DDO: variants seen among roughly 807,000 people sequenced by gnomAD.
DDO encodes the protein D-aspartate oxidase, DDO.
In DDO, 16 loss-of-function variants were observed where a neutral mutation model predicts 16.8. The observed-to-expected ratio is 0.95, with a 90% confidence interval of 0.65 to 1.45. The LOEUF is 1.45. Ranked by LOEUF, DDO falls within the 40% of genes most tolerant of loss-of-function variation. The probability of loss-of-function intolerance (pLI) is 0.00; values close to 1 mark genes in which losing one functional copy is unlikely to be tolerated. For synonymous variants in DDO, 180 were observed against 167.2 expected, an observed-to-expected ratio of 1.08 and a Z score of -0.59; for missense variants, 429 against 420.3, an observed-to-expected ratio of 1.02 and a Z score of -0.18.
At chr6:110,400,019 G>C (rs960681835) in intron 4 of DDO, among the ~76,000 whole-genome samples, 7 of 152,186 alleles carry the variant, frequency 4.6e-5, no homozygotes, top group African/African-American at 1.7e-4. Flanking sequence ...GCCGGTCTCC[G>C]GCCGATGGCG....
chr6:110,414,967 G>T (rs1427145941), intron 1 of DDO, among the ~76,000 whole-genome samples: 1 of 152,248 alleles, frequency 6.6e-6, no homozygotes, highest in Non-Finnish European at 1.5e-5. Context: ...CAGTTCTGAA[G>T]ATTCTCGCAC....
chr6:110,408,701 A>C (rs1332153189), intron 2 of DDO, among the ~76,000 whole-genome samples: 8 of 152,262 alleles, frequency 5.3e-5, no homozygotes, highest in African/African-American at 1.9e-4. Flanking sequence ...CAATAAGGGC[A>C]AAACCCGGCA....
intron 4 of DDO, among the ~76,000 whole-genome samples, chr6:110,397,697 G>A (rs1253257345): frequency 6.6e-6 from 1 of 152,200 alleles, no homozygotes; most frequent in East Asian, 1.9e-4. Context: ...AGTCCAACTT[G>A]TGCCTGGTGA....
At chr6:110,405,988 C>T (rs912006625) in intron 3 of DDO, among the ~76,000 whole-genome samples, 2 of 152,154 alleles carry the variant, frequency 1.3e-5, no homozygotes, top group African/African-American at 4.8e-5. Context: ...ATTCCCCCAT[C>T]GGAATATGTA....
In DDO at chr6:110,392,994, G is replaced by A. The variant is rs768638845; in HGVS notation, c.807C>T (p.Cys269=). The A allele has an allele frequency of 6.2e-7, 1 of 1,611,608 alleles. No homozygotes were observed. The highest frequency in any genetic ancestry group is 2.2e-5 in the East Asian group (1 of 44,790). Residue 269 remains cysteine, a synonymous_variant, in exon 5 of 5, where the codon TGC becomes TGT. Transcript: ENST00000368924. ...CALEPSLHGA[C]NIREKVGLRP... is the part of the protein sequence containing the mutation. ...TCAAGCCCACCTTCTCCCTGATGTTGCAGGCTCCGTGGAGGGAGGGCTCCA... is the reference window on the plus strand; with the variant it reads ...TCAAGCCCACCTTCTCCCTGATGTTACAGGCTCCGTGGAGGGAGGGCTCCA...
chr6:110,392,818 C>G lies in DDO; in HGVS notation c.983G>C (p.Cys328Ser). 7 of 1,605,220 alleles carry G rather than the reference C, an allele frequency of 4.4e-6. No individual in the cohort carries two copies. The highest frequency in any genetic ancestry group is 6.0e-6 in the Non-Finnish European group (7 of 1,175,066). Residue 328 changes from cysteine to serine, a missense_variant, in exon 5 of 5, where the codon TGT becomes TCT. Transcript: ENST00000368924. ...ALEAARLVSE[C>S]VHALRTPIPK... ...AATGGGGGTCCTGAGGGCATGGACA[C>G]ACTCGCTCACCAGCCTGGCGGCCTC...
chr6:110,391,491 A>G (rs1773099941), downstream of DDO, among the ~76,000 whole-genome samples: 1 of 151,812 alleles, frequency 6.6e-6, no homozygotes, highest in Non-Finnish European at 1.5e-5. Flanking sequence ...ACCCACCATC[A>G]TGCCCAGCTA....
chr6:110,403,894 G>A (rs775698487), intron 4 of DDO, among the ~76,000 whole-genome samples: 4 of 152,114 alleles, frequency 2.6e-5, no homozygotes, highest in Admixed American at 6.6e-5. Flanking sequence ...ATATATATAA[G>A]CGTTCAACAA....
downstream of DDO, among the ~76,000 whole-genome samples, chr6:110,388,554 ACTGTGTCCAC>A (rs139080854): frequency 0.045 from 6,898 of 152,174 alleles, 467 homozygotes; most frequent in African/African-American, 0.16. Context: ...CTTCTATACA[ACTGTGTCCAC>A]CTGGGCTATG....
chr6:110,409,414 G>A (rs1773774087), intron 2 of DDO, among the ~76,000 whole-genome samples: 2 of 152,316 alleles, frequency 1.3e-5, no homozygotes, highest in Non-Finnish European at 1.5e-5. Context: ...AAGCCACAGA[G>A]GAGATGAGGG....
chr6:110,415,575 T>C lies in DDO; in HGVS notation c.-113A>G. ...CTGAGAGACAGAGAGAAAGCGAAAC[T>C]GATTCCCATTGGTGACTTGATTCAG... is the stretch of plus-strand genomic sequence containing the variant. On this transcript the variant is annotated 5_prime_UTR_variant, in exon 1 of 5. Transcript: ENST00000368924. 6.2e-7 allele frequency: 1 copy of C among 1,612,556 alleles called. No individual in the cohort carries two copies. The highest frequency in any genetic ancestry group is 8.5e-7 in the Non-Finnish European group (1 of 1,179,500).
At position 110,404,734 on chromosome 6, in the gene DDO, T is replaced by C. The variant is rs200070433; in HGVS notation, c.458+40A>G. 218 of 1,604,296 alleles carry C rather than the reference T, an allele frequency of 1.4e-4. No homozygotes were observed. The African/African-American group carries it at 2.7e-3, about 20-fold the overall frequency. On this transcript the variant is annotated intron_variant, in intron 4 of 4. Coordinates refer to ENST00000368924, the MANE Select transcript of DDO (RefSeq NM_001372108.2). The stretch of plus-strand genomic sequence containing the variant: ...GAATAGCTACGAAGTGATTTATGGC[T>C]ATGACAGATAAGGAAATATCAGGGA...
intron 3 of DDO, among the ~76,000 whole-genome samples, chr6:110,405,706 C>A (rs573074315): frequency 4.5e-4 from 69 of 152,174 alleles, no homozygotes; most frequent in Middle Eastern, 6.8e-3. Context: ...AGTTCGAGAC[C>A]AGCCTGGGCA....
At chr6:110,391,423 C>A (rs557628711), downstream of DDO, among the ~76,000 whole-genome samples, 35 of 149,208 alleles carry the variant, frequency 2.3e-4, 1 homozygote, top group South Asian at 7.4e-3. Flanking sequence ...GATCTCAGCT[C>A]ACTGCAACCT....
downstream of DDO, among the ~76,000 whole-genome samples, chr6:110,389,507 A>G (rs1773066253): frequency 6.6e-6 from 1 of 152,262 alleles, no homozygotes; most frequent in East Asian, 1.9e-4. Context: ...GAGTCAGCCC[A>G]TCACACTTAC....
At chr6:110,390,517 G>T (rs917471288), downstream of DDO, among the ~76,000 whole-genome samples, 1 of 152,200 alleles carries the variant, frequency 6.6e-6, no homozygotes, top group Non-Finnish European at 1.5e-5. Context: ...TTCTCAAGAA[G>T]CCTCCAGTCT....
chr6:110,410,417 T>C (rs1198277442), intron 2 of DDO, among the ~76,000 whole-genome samples: 5 of 152,184 alleles, frequency 3.3e-5, no homozygotes, highest in Non-Finnish European at 7.3e-5. Flanking sequence ...AAGCACTTAG[T>C]GTAAGCTGGT....
chr6:110,408,303 C>G (rs375396914), intron 3 of DDO, 31 bp downstream of exon 3: 1 of 1,594,750 alleles, frequency 6.3e-7, no homozygotes, highest in South Asian at 1.1e-5. Context: ...TCATGCTACA[C>G]TCTAAAATAA....
At position 110,400,347 on chromosome 6, in the gene DDO, G is replaced by GGGT. The variant is rs1361587053; in HGVS notation, c.458+4426_458+4427insACC. Among the ~76,000 whole-genome samples, 14 of 149,726 alleles carry GGGT rather than the reference G, an allele frequency of 9.4e-5. 1 individual carries two copies. Among genetic ancestry groups the GGGT allele is most frequent in the Non-Finnish European group, 1.8e-4 (12 of 67,316 alleles). On this transcript the variant is annotated intron_variant, in intron 4 of 4. Transcript: ENST00000368924. ...GGAGGGTGCGCAGGAGCGGGCCGGG[G>GGGT]CGGGGACTGGCGCCTCATCACGGGC...
Sources: gnomAD v4.1 joint callset for allele counts (sites outside exome capture counted in the v4.1 genomes callset) on GRCh38, gnomAD v4.1.1 for gene constraint, MANE v1.5 for transcripts, NCBI Gene and HGNC (gene_info 2026-07-23, HGNC 2026-07-21) for gene names.